FLNB: variants seen among roughly 807,000 people sequenced by gnomAD.
The protein encoded by FLNB is filamin-B.
Under a neutral mutation model 250.6 loss-of-function variants are expected in FLNB, and 111 were observed. The ratio of observed to expected loss-of-function variants is 0.44; its 90% confidence interval spans 0.38 to 0.52. The LOEUF (loss-of-function observed/expected upper bound fraction) is 0.52, where lower values mean the gene tolerates loss of function less well. Among genes scored for constraint, FLNB ranks in the 20% least tolerant of loss-of-function variants. FLNB has a pLI of 0.00. For missense variants in FLNB, 2,869 were observed against 3,447.8 expected, an observed-to-expected ratio of 0.83 and a Z score of 4.20; for synonymous variants, 1,302 against 1,372.1, an observed-to-expected ratio of 0.95 and a Z score of 1.13.
intron 43 of FLNB, among the ~76,000 whole-genome samples, chr3:58,168,139 C>T (rs2097374002): frequency 6.6e-6 from 1 of 152,262 alleles, no homozygotes; most frequent in South Asian, 2.1e-4. Flanking sequence ...GTGACTCAGG[C>T]TTCTTGCCCT....
chr3:58,103,259 A>G (rs537763879), intron 9 of FLNB, among the ~76,000 whole-genome samples: 45 of 121,340 alleles, frequency 3.7e-4, no homozygotes, highest in Middle Eastern at 4.0e-3. Flanking sequence ...AACAGGAGCC[A>G]AGGAGGGTGT....
intron 5 of FLNB, among the ~76,000 whole-genome samples, 189 bp downstream of exon 5, chr3:58,095,143 A>T (rs971618722): frequency 1.1e-4 from 16 of 152,200 alleles, no homozygotes; most frequent in Admixed American, 3.9e-4. Flanking sequence ...ATCAAATTTA[A>T]ATTGATTGCC....
intron 1 of FLNB, among the ~76,000 whole-genome samples, chr3:58,067,806 A>C (rs2097188091): frequency 6.6e-6 from 1 of 151,872 alleles, no homozygotes. Flanking sequence ...TGGATCTCTG[A>C]CCTCGTGATC....
intron 1 of FLNB, among the ~76,000 whole-genome samples, chr3:58,070,820 C>T (rs1488615025): frequency 1.3e-5 from 2 of 151,764 alleles, no homozygotes; most frequent in East Asian, 3.9e-4. Flanking sequence ...CCACCACGCC[C>T]AGCAAATTTT....
intron 1 of FLNB, among the ~76,000 whole-genome samples, chr3:58,040,848 T>C (rs1220477987): frequency 1.3e-5 from 2 of 152,158 alleles, no homozygotes; most frequent in African/African-American, 4.8e-5. Context: ...TGTGTGGGAG[T>C]TGAGCTGCAT....
rs1198656971 is a variant in FLNB, at chr3:58,008,688, A to G, written c.124A>G (p.Thr42Ala). ...CVNKRIGNLQTDLSDGLRLIA... is the reference protein window; with the variant it reads ...CVNKRIGNLQADLSDGLRLIA... ...GAACAAACGCATCGGCAACCTGCAG[A>G]CCGACCTGAGCGACGGGCTGCGGCT... Residue 42 changes from threonine to alanine, a missense_variant, in exon 1 of 46, where the codon ACC becomes GCC. By Grantham distance (58) the Thr-to-Ala change is moderately conservative (BLOSUM62 0). Transcript: ENST00000295956. 1 of 1,614,042 alleles carries G rather than the reference A, an allele frequency of 6.2e-7. No homozygotes were observed. Among genetic ancestry groups the G allele is most frequent in the Non-Finnish European group, 8.5e-7 (1 of 1,180,036 alleles).
chr3:58,020,364 G>A (rs1216610368), intron 1 of FLNB, among the ~76,000 whole-genome samples: 4 of 152,096 alleles, frequency 2.6e-5, no homozygotes, highest in African/African-American at 7.2e-5. Context: ...GCAGCTTTCC[G>A]CTCATCTGCA....
At chr3:58,082,136 C>G (rs908607320) in intron 4 of FLNB, among the ~76,000 whole-genome samples, 3 of 152,160 alleles carry the variant, frequency 2.0e-5, no homozygotes, top group Non-Finnish European at 4.4e-5. Context: ...GCTGCTGATT[C>G]ATTTCTCCTT....
At chr3:58,101,721 G>A (rs941504356) in intron 8 of FLNB, among the ~76,000 whole-genome samples, 9 of 152,154 alleles carry the variant, frequency 5.9e-5, no homozygotes, top group South Asian at 2.1e-4. Context: ...TTGTTCAGGC[G>A]GAAGACAACA....
chr3:58,103,844 T>G, intron 9 of FLNB, 115 bp from the exon 10 acceptor site: 1 of 1,329,176 alleles, frequency 7.5e-7, no homozygotes, highest in Non-Finnish European at 1.1e-6. Flanking sequence ...GCCCACTTGG[T>G]TTTTATGTAT....
chr3:58,150,297 AACCAAGT>A, intron 38 of FLNB, 70 bp downstream of exon 38: 1 of 1,593,432 alleles, frequency 6.3e-7, no homozygotes, highest in Non-Finnish European at 8.6e-7. Flanking sequence ...TGCCTTTGGG[AACCAAGT>A]TTAGGCATGG....
intron 5 of FLNB, 112 bp from the exon 6 acceptor site, chr3:58,096,029 C>A: frequency 5.0e-6 from 4 of 803,850 alleles, no homozygotes; most frequent in Non-Finnish European, 8.6e-6. Context: ...AGGAGCTCGC[C>A]AGCACCTTCA....
At chr3:58,107,641 T>G (rs948301260) in intron 12 of FLNB, among the ~76,000 whole-genome samples, 2 of 152,226 alleles carry the variant, frequency 1.3e-5, no homozygotes, top group Non-Finnish European at 2.9e-5. Flanking sequence ...TTTTTTTTCC[T>G]AGTTCCGTGT....
At position 58,146,059 on chromosome 3, in the gene FLNB, G is replaced by A. The variant is rs750132398; in HGVS notation, c.5554+10G>A. ...GAGGATGCAGGAGAAGGTACTGTGT[G>A]GTTTACGTGTTTATACGCCTCCAGC... On this transcript the variant is annotated intron_variant, in intron 33 of 45. Coordinates refer to ENST00000295956, the MANE Select transcript of FLNB (RefSeq NM_001457.4). The A allele has an allele frequency of 6.2e-7, 1 of 1,614,184 alleles. No individual in the cohort carries two copies. Among genetic ancestry groups the A allele is most frequent in the Admixed American group, 1.7e-5 (1 of 60,024 alleles).
intron 1 of FLNB, among the ~76,000 whole-genome samples, chr3:58,053,803 A>C (rs984223892): frequency 1.3e-5 from 2 of 152,162 alleles, no homozygotes; most frequent in African/African-American, 4.8e-5. Flanking sequence ...TTCATTTTAC[A>C]AACAGTGCAT....
At chr3:58,143,348 T>G (rs1044949580) in intron 31 of FLNB, 125 bp from the exon 32 acceptor site, 86 of 984,672 alleles carry the variant, frequency 8.7e-5, no homozygotes, top group Non-Finnish European at 1.3e-4. Context: ...CTTGAATGTT[T>G]TAGGCAGCAA....
At position 58,162,871 on chromosome 3, in the gene FLNB, A is replaced by G. The variant is rs2097364019; in HGVS notation, c.7022-283A>G. On this transcript the variant is annotated intron_variant, in intron 42 of 45. Coordinates refer to ENST00000295956, the MANE Select transcript of FLNB (RefSeq NM_001457.4). ...GCATTCACAGAATTTCACACTGAAG[A>G]AGTGAGGTTTTCTAAAGAAAGGAAG... The G allele has an allele frequency of 2.3e-5, 10 of 429,848 alleles. No homozygotes were observed. In the South Asian group the frequency reaches 2.4e-4, roughly 10 times the overall value. The allele number at this position is 429,848 out of a possible 1,614,324, so 26.6% of individuals were successfully genotyped here.
chr3:58,148,599 G>A lies in FLNB; in HGVS notation c.5888-50G>A, dbSNP rs374247988. 4.7e-6 allele frequency: 7 copies of A among 1,502,250 alleles called. No homozygotes were observed. The South Asian group carries it at 6.8e-5, about 15-fold the overall frequency. The allele number at this position is 1,502,250 out of a possible 1,614,324, so 93.1% of individuals were successfully genotyped here. On this transcript the variant is annotated intron_variant, in intron 35 of 45. Coordinates refer to ENST00000295956, the MANE Select transcript of FLNB (RefSeq NM_001457.4). ...ATTTCTGAGAGTGTGTCTCTCTCCT[G>A]CTTCCTCTCCGCCATCCCCTTACAA...
chr3:58,020,890 A>G (rs2097113018), intron 1 of FLNB, among the ~76,000 whole-genome samples: 1 of 152,082 alleles, frequency 6.6e-6, no homozygotes, highest in African/African-American at 2.4e-5. Context: ...AGCAGCAGTC[A>G]GCTTTCCTTC....
Sources: gnomAD v4.1 joint callset for allele counts (sites outside exome capture counted in the v4.1 genomes callset) on GRCh38, gnomAD v4.1.1 for gene constraint, MANE v1.5 for transcripts, NCBI Gene and HGNC (gene_info 2026-07-23, HGNC 2026-07-21) for gene names.